Variants in CFAP95 observed in about 807,000 individuals in gnomAD.
CFAP95 encodes the protein cilia- and flagella-associated protein 95.
the CFAP95 span, among the ~76,000 whole-genome samples, chr9:69,840,469 C>A: frequency 6.6e-6 from 1 of 152,082 alleles, no homozygotes; most frequent in African/African-American, 2.4e-5. Context: ...TCATTTGAGA[C>A]TCTCAAGGTG....
the CFAP95 span, among the ~76,000 whole-genome samples, chr9:69,896,668 C>G: frequency 1.9e-4 from 29 of 152,224 alleles, no homozygotes; most frequent in South Asian, 5.8e-3. Context: ...ATTTGTTTAG[C>G]TACATTTGCC....
At chr9:69,890,432 G>A in the CFAP95 span, among the ~76,000 whole-genome samples, 1 of 152,154 alleles carries the variant, frequency 6.6e-6, no homozygotes, top group African/African-American at 2.4e-5. Context: ...TTTTAGCGCT[G>A]CTTCTGACAC....
the CFAP95 span, among the ~76,000 whole-genome samples, chr9:69,843,891 C>T: frequency 6.6e-6 from 1 of 151,790 alleles, no homozygotes; most frequent in Admixed American, 6.6e-5. Context: ...ATCTGCCTGC[C>T]TCCCAAAGTG....
the CFAP95 span, chr9:69,844,632 A>C: frequency 1.9e-6 from 3 of 1,582,830 alleles, no homozygotes; most frequent in Non-Finnish European, 2.6e-6. Flanking sequence ...CCCAGTAAGT[A>C]GTTGCTATTA....
the CFAP95 span, among the ~76,000 whole-genome samples, chr9:69,853,524 A>G: frequency 6.6e-6 from 1 of 152,334 alleles, no homozygotes; most frequent in East Asian, 1.9e-4. Flanking sequence ...TAATTTAGCT[A>G]TCTCACATAC....
the CFAP95 span, among the ~76,000 whole-genome samples, chr9:69,901,981 T>C: frequency 2.0e-5 from 3 of 152,212 alleles, no homozygotes; most frequent in African/African-American, 7.2e-5. Flanking sequence ...GCTGCATAAA[T>C]GTCTTCTTTT....
chr9:69,902,367 A>G, the CFAP95 span: 5 of 453,712 alleles, frequency 1.1e-5, no homozygotes, highest in Non-Finnish European at 2.2e-5. Context: ...TTGATCATTG[A>G]CATTCTAAAG....
At chr9:69,838,626 T>C in the CFAP95 span, among the ~76,000 whole-genome samples, 1 of 152,046 alleles carries the variant, frequency 6.6e-6, no homozygotes, top group East Asian at 1.9e-4. Context: ...CTTAAGGAGA[T>C]TTTGGGCTGA....
chr9:69,857,952 A>G, the CFAP95 span: 1 of 1,614,070 alleles, frequency 6.2e-7, no homozygotes, highest in South Asian at 1.1e-5. Flanking sequence ...TGTCTTTCCT[A>G]GACATCCACC....
At chr9:69,904,234 C>T in the CFAP95 span, among the ~76,000 whole-genome samples, 3 of 152,206 alleles carry the variant, frequency 2.0e-5, no homozygotes, top group African/African-American at 7.2e-5. Context: ...CCATTCCTGT[C>T]AATCACCAGT....
At chr9:69,885,152 G>T in the CFAP95 span, 1 of 152,208 alleles carries the variant, frequency 6.6e-6, no homozygotes, top group Non-Finnish European at 1.5e-5. Flanking sequence ...AGTTGGACTT[G>T]TTATTTTGGG....
the CFAP95 span, among the ~76,000 whole-genome samples, chr9:69,849,122 T>A: frequency 6.6e-6 from 1 of 152,360 alleles, no homozygotes; most frequent in Non-Finnish European, 1.5e-5. Context: ...GACACTTACA[T>A]TGCTGGACAT....
chr9:69,853,899 G>A, the CFAP95 span, among the ~76,000 whole-genome samples: 3 of 152,192 alleles, frequency 2.0e-5, no homozygotes, highest in African/African-American at 7.2e-5. Context: ...CCCATTCCAG[G>A]CAGCAAGAAG....
the CFAP95 span, among the ~76,000 whole-genome samples, chr9:69,835,755 A>G: frequency 6.6e-6 from 1 of 152,274 alleles, no homozygotes; most frequent in African/African-American, 2.4e-5. Flanking sequence ...GAGAAGGCTG[A>G]TACATGAACG....
chr9:69,878,698 T>A, the CFAP95 span, among the ~76,000 whole-genome samples: 61 of 152,238 alleles, frequency 4.0e-4, no homozygotes, highest in African/African-American at 1.5e-3. Context: ...TGTCATTTTA[T>A]TTCTGTGATT....
At chr9:69,892,366 T>C in the CFAP95 span, among the ~76,000 whole-genome samples, 94 of 152,300 alleles carry the variant, frequency 6.2e-4, no homozygotes, top group African/African-American at 2.2e-3. Context: ...TTGGCTTGGC[T>C]GAGAAATACT....
chr9:69,843,124 G>A, the CFAP95 span, among the ~76,000 whole-genome samples: 17 of 152,216 alleles, frequency 1.1e-4, no homozygotes, highest in African/African-American at 4.1e-4. Context: ...TAGACTGCAA[G>A]CAACTGAAGG....
chr9:69,891,413 C>A, the CFAP95 span, among the ~76,000 whole-genome samples: 28 of 152,206 alleles, frequency 1.8e-4, no homozygotes, highest in South Asian at 1.0e-3. Flanking sequence ...TTCATGGGCC[C>A]CTTCCTCCAC....
chr9:69,855,841 C>T, the CFAP95 span, among the ~76,000 whole-genome samples: 1 of 152,134 alleles, frequency 6.6e-6, no homozygotes. Flanking sequence ...ACAACAACAA[C>T]AACAGAAAGT....
Sources: gnomAD v4.1 joint callset for allele counts (sites outside exome capture counted in the v4.1 genomes callset) on GRCh38, gnomAD v4.1.1 for gene constraint, MANE v1.5 for transcripts, NCBI Gene and HGNC (gene_info 2026-07-23, HGNC 2026-07-21) for gene names.